Variants in MLLT10 observed in about 807,000 individuals in gnomAD.
The protein encoded by MLLT10 is protein AF-10.
Under a neutral mutation model 129.1 loss-of-function variants are expected in MLLT10, and 30 were observed. The observed-to-expected ratio is 0.23, with a 90% CI of 0.17 to 0.32. The LOEUF is 0.32. MLLT10 is among the 10% of genes least tolerant of loss of function. The pLI, the probability that MLLT10 is intolerant of heterozygous loss-of-function variation, is 1.00. For synonymous variants in MLLT10, 490 were observed against 446.4 expected, an observed-to-expected ratio of 1.10 and a Z score of -1.23; for missense variants, 1,119 against 1,268.3, an observed-to-expected ratio of 0.88 and a Z score of 1.79.
intron 9 of MLLT10, among the ~76,000 whole-genome samples, chr10:21,666,831 T>C (rs1246665398): frequency 6.6e-6 from 1 of 152,154 alleles, no homozygotes; most frequent in African/African-American, 2.4e-5. Context: ...AATAAATACA[T>C]TATAATTTGC....
At chr10:21,626,005 CT>C in intron 8 of MLLT10, 1 of 1,083,222 alleles carries the variant, frequency 9.2e-7, no homozygotes, top group Non-Finnish European at 1.4e-6. Flanking sequence ...GCCCACCATA[CT>C]TCCTCTGTCC....
chr10:21,542,226 C>G (rs750467770), intron 3 of MLLT10, among the ~76,000 whole-genome samples: 8 of 152,130 alleles, frequency 5.3e-5, no homozygotes, highest in Non-Finnish European at 1.0e-4. Flanking sequence ...CTTTTATTCT[C>G]TCTGAGGACA....
At chr10:21,730,082 A>T (rs2057831993) in intron 16 of MLLT10, among the ~76,000 whole-genome samples, 1 of 152,066 alleles carries the variant, frequency 6.6e-6, no homozygotes, top group Non-Finnish European at 1.5e-5. Context: ...AAGCTGGGCA[A>T]CATGGTGAAA....
chr10:21,713,308 TC>T (rs1287276846), intron 13 of MLLT10, among the ~76,000 whole-genome samples: 1 of 152,206 alleles, frequency 6.6e-6, no homozygotes, highest in Non-Finnish European at 1.5e-5. Flanking sequence ...TTGGGCCTGT[TC>T]CATTTTAATT....
intron 8 of MLLT10, among the ~76,000 whole-genome samples, chr10:21,619,947 T>C (rs949374981): frequency 6.6e-5 from 10 of 151,232 alleles, no homozygotes; most frequent in African/African-American, 2.2e-4. Flanking sequence ...TTTTTTTTTT[T>C]TGTCGCTTAG....
chr10:21,670,724 T>C lies in MLLT10; in HGVS notation c.1051+20T>C. On this transcript the variant is annotated intron_variant, in intron 10 of 22. Transcript: ENST00000307729. Reference sequence around the variant, plus strand: ...CTCAAGGTATTAGTGATGTTTTAGTTAAAATACTTGTGTTTAAGATGGTTA... The same window carrying C: ...CTCAAGGTATTAGTGATGTTTTAGTCAAAATACTTGTGTTTAAGATGGTTA... 6.3e-7 allele frequency: 1 copy of C among 1,597,448 alleles called. No individual in the cohort carries two copies. The highest frequency in any genetic ancestry group is 8.5e-7 in the Non-Finnish European group (1 of 1,173,608).
intron 5 of MLLT10, among the ~76,000 whole-genome samples, chr10:21,611,962 G>C (rs1314796155): frequency 6.6e-6 from 1 of 152,154 alleles, no homozygotes; most frequent in Non-Finnish European, 1.5e-5. Flanking sequence ...ATTTCCTGCA[G>C]AGGGGAAAGA....
In MLLT10 at chr10:21,625,949, G is replaced by T. The variant is rs1057215000; in HGVS notation, c.699+8742G>T. On this transcript the variant is annotated intron_variant, in intron 8 of 22. Transcript: ENST00000307729. Reference sequence around the variant, plus strand: ...TGGTATTTTACCTACAAACACCTCTGTTCCAATTCTAGGTTGCACACCAGA... The same window carrying T: ...TGGTATTTTACCTACAAACACCTCTTTTCCAATTCTAGGTTGCACACCAGA... The T allele has an allele frequency of 6.2e-6, 5 of 810,842 alleles. 1 individual carries two copies. In the Admixed American group the frequency reaches 8.5e-5, roughly 14 times the overall value. 50.2% of individuals were successfully genotyped at this position (810,842 alleles called of 1,614,324 possible). A position where few individuals can be genotyped will look rare whatever the true frequency, so the allele number is the denominator to read the frequency against.
chr10:21,671,404 C>G (rs920872609), intron 10 of MLLT10, among the ~76,000 whole-genome samples: 3 of 152,196 alleles, frequency 2.0e-5, no homozygotes, highest in Admixed American at 1.3e-4. Flanking sequence ...ATCTATAATC[C>G]TAGCAGTTTG....
intron 22 of MLLT10, among the ~76,000 whole-genome samples, chr10:21,741,434 C>A (rs1428762406): frequency 6.6e-6 from 1 of 152,206 alleles, no homozygotes; most frequent in African/African-American, 2.4e-5. Context: ...CTGGGAGGTG[C>A]TGTTTGCTTA....
intron 2 of MLLT10, among the ~76,000 whole-genome samples, chr10:21,537,963 C>G (rs1228991171): frequency 6.6e-6 from 1 of 151,744 alleles, no homozygotes; most frequent in Non-Finnish European, 1.5e-5. Context: ...ATAATTAAAT[C>G]ATTTGGAGCA....
Position 21,614,869 on chromosome 10 carries a change from A to G in MLLT10, c.548A>G (p.Asn183Ser), listed in dbSNP as rs985457200. Residue 183 changes from asparagine (N) to serine (S), a missense_variant, in exon 7 of 23, where the codon AAT becomes AGT. Coordinates refer to ENST00000307729, the MANE Select transcript of MLLT10 (RefSeq NM_001195626.3). ...GGACTGCTTTGTGAAGAAGAAGGTAATGGTGCCGATAATGTCCAATACTGT... is the reference window on the plus strand; with the variant it reads ...GGACTGCTTTGTGAAGAAGAAGGTAGTGGTGCCGATAATGTCCAATACTGT... ...FAGLLCEEEG[N>S]GADNVQYCGY... The G allele has an allele frequency of 6.2e-7, 1 of 1,613,044 alleles. No individual in the cohort carries two copies. Among genetic ancestry groups the G allele is most frequent in the South Asian group, 1.1e-5 (1 of 90,688 alleles).
chr10:21,632,976 C>T (rs1169420278), intron 8 of MLLT10, among the ~76,000 whole-genome samples: 2 of 152,064 alleles, frequency 1.3e-5, no homozygotes, highest in Admixed American at 6.6e-5. Context: ...CATGGCATGT[C>T]AAAGAACTTA....
At chr10:21,610,223 C>G (rs1390685443) in intron 5 of MLLT10, among the ~76,000 whole-genome samples, 2 of 152,192 alleles carry the variant, frequency 1.3e-5, no homozygotes, top group East Asian at 1.9e-4. Context: ...TGATAGGACC[C>G]TAGCATTCTT....
intron 13 of MLLT10, among the ~76,000 whole-genome samples, chr10:21,685,789 C>T (rs1377363228): frequency 6.6e-6 from 1 of 152,058 alleles, no homozygotes; most frequent in African/African-American, 2.4e-5. Flanking sequence ...GTTTAATTCC[C>T]AAAGAAAATT....
chr10:21,619,069 C>CA (rs3220208), intron 8 of MLLT10, among the ~76,000 whole-genome samples: 1 of 146,758 alleles, frequency 6.8e-6, no homozygotes, highest in African/African-American at 2.5e-5. Context: ...CACACACACA[C>CA]TTTTTTTAGA....
intron 8 of MLLT10, among the ~76,000 whole-genome samples, chr10:21,644,704 T>G (rs2048322770): frequency 6.6e-6 from 1 of 152,162 alleles, no homozygotes; most frequent in African/African-American, 2.4e-5. Flanking sequence ...TGCAGTGGCA[T>G]GATCATGGCT....
In MLLT10 at chr10:21,617,113, A is replaced by T; in HGVS notation, c.605A>T (p.Lys202Ile). 1 of 1,493,834 alleles carries T rather than the reference A, an allele frequency of 6.7e-7. No individual in the cohort carries two copies. Among genetic ancestry groups the T allele is most frequent in the South Asian group, 1.5e-5 (1 of 66,540 alleles). The allele number at this position is 1,493,834 out of a possible 1,614,324, so 92.5% of individuals were successfully genotyped here. A position where few individuals can be genotyped will look rare whatever the true frequency, so the allele number is the denominator to read the frequency against. ...GYCKYHFSKL[K>I]KSKRGSNRSY... ...ATGTATATATATTTTCTTTTTTAGA[A>T]AAAGAGCAAACGGGGATCTAATAGG... The change falls in exon 8 of 23, where the codon AAA (lysine) becomes ATA (isoleucine). Residue 202 changes from lysine to isoleucine, a missense_variant and splice_region_variant. Physicochemically the swap from Lys to Ile is moderately radical, Grantham distance 102. Transcript: ENST00000307729.
chr10:21,677,161 G>T (rs1341112047), intron 11 of MLLT10, among the ~76,000 whole-genome samples: 3 of 152,194 alleles, frequency 2.0e-5, no homozygotes, highest in African/African-American at 7.2e-5. Context: ...GCTGATGAGG[G>T]TCTAACACCA....
Sources: allele counts gnomAD v4.1 joint callset (sites outside exome capture counted in the v4.1 genomes callset), GRCh38; gene constraint gnomAD v4.1.1; transcripts MANE v1.5; gene names NCBI Gene and HGNC (gene_info 2026-07-23, HGNC 2026-07-21).